Variants in MROH9 observed in about 807,000 individuals in gnomAD.
The protein encoded by MROH9 is maestro heat like repeat family member 9, also known as maestro heat-like repeat-containing protein family member 9.
MROH9 carries 92 observed loss-of-function variants against 98.2 expected under a neutral mutation model. The ratio of observed to expected loss-of-function variants is 0.94; its 90% CI spans 0.79 to 1.11. The LOEUF is 1.11. MROH9 is among the 50% of genes most tolerant of loss of function. The pLI is 0.00. For synonymous variants in MROH9, 397 were observed against 368.9 expected (o/e 1.08, Z -0.87); for missense variants, 1,057 against 1,014.8 (o/e 1.04, Z -0.57).
chr1:170,976,680 T>A (rs555669464), intron 8 of MROH9, among the ~76,000 whole-genome samples: 1 of 152,292 alleles, frequency 6.6e-6, no homozygotes, highest in Middle Eastern at 3.4e-3. Flanking sequence ...CATATTTTCT[T>A]TTTTTATTTT....
intron 8 of MROH9, among the ~76,000 whole-genome samples, chr1:170,975,380 T>G (rs1650642757): frequency 6.6e-6 from 1 of 152,128 alleles, no homozygotes; most frequent in South Asian, 2.1e-4. Flanking sequence ...GAAAAGAAAG[T>G]CATTTCATAA....
chr1:170,997,673 C>T (rs1282985240), intron 14 of MROH9, among the ~76,000 whole-genome samples: 1 of 152,114 alleles, frequency 6.6e-6, no homozygotes, highest in Non-Finnish European at 1.5e-5. Flanking sequence ...TGTCCACCAC[C>T]CAAGTGTGTT....
At chr1:171,018,949 G>A (rs1331698773) in intron 17 of MROH9, among the ~76,000 whole-genome samples, 1 of 152,200 alleles carries the variant, frequency 6.6e-6, no homozygotes, top group Non-Finnish European at 1.5e-5. Context: ...CTTAAACTCA[G>A]CTATGGATCA....
chr1:170,971,668 A>C, intron 7 of MROH9, 80 bp from the exon 8 acceptor site: 1 of 1,470,524 alleles, frequency 6.8e-7, no homozygotes, highest in Non-Finnish European at 9.4e-7. Context: ...AGTCTGATTT[A>C]TAACAGGATC....
intron 17 of MROH9, among the ~76,000 whole-genome samples, chr1:171,017,124 T>C (rs1652351183): frequency 6.6e-6 from 1 of 152,178 alleles, no homozygotes; most frequent in Non-Finnish European, 1.5e-5. Flanking sequence ...GTAATAATAA[T>C]AGTAGTGGCT....
At chr1:170,943,292 T>G (rs968367221) in intron 1 of MROH9, among the ~76,000 whole-genome samples, 4 of 151,880 alleles carry the variant, frequency 2.6e-5, no homozygotes, top group Non-Finnish European at 2.9e-5. Context: ...GTGTTAAAAA[T>G]ACTCCAAAAG....
At chr1:171,016,527 G>T (rs1442927925) in intron 17 of MROH9, among the ~76,000 whole-genome samples, 191 bp downstream of exon 17, 3 of 151,754 alleles carry the variant, frequency 2.0e-5, no homozygotes, top group African/African-American at 4.8e-5. Context: ...ACCTGGGGAA[G>T]AAAAGAAGAC....
intron 8 of MROH9, among the ~76,000 whole-genome samples, chr1:170,973,998 C>T (rs952417032): frequency 1.3e-5 from 2 of 152,002 alleles, no homozygotes; most frequent in Admixed American, 6.6e-5. Context: ...TATATTGAAC[C>T]TCTGGAGGTA....
At chr1:171,004,833 T>TA (rs1316059381) in intron 15 of MROH9, among the ~76,000 whole-genome samples, 1 of 152,002 alleles carries the variant, frequency 6.6e-6, no homozygotes, top group Non-Finnish European at 1.5e-5. Context: ...CATGGGTCAA[T>TA]ATGTCTGTTT....
chr1:171,046,602 TTATATCTTATTGTAC>T (rs570774715), intron 20 of MROH9, among the ~76,000 whole-genome samples: 34 of 152,304 alleles, frequency 2.2e-4, no homozygotes, highest in Non-Finnish European at 4.4e-4. Context: ...TTGCTTCTAT[TTATATCTTATTGTAC>T]TATGTCTTGA....
Position 171,064,085 on chromosome 1 carries a change from T to G in MROH9, c.2345-14T>G, listed in dbSNP as rs1294547970. ...AAGAGATAACTTGAACTAAAGTCTC[T>G]TCTGATATTACAGTTATTGAACGAC... On this transcript the variant is annotated splice_polypyrimidine_tract_variant and intron_variant, in intron 21 of 21. Transcript: ENST00000367759. 4 of 1,526,838 alleles carry G rather than the reference T, an allele frequency of 2.6e-6. No individual in the cohort carries two copies. Among genetic ancestry groups the G allele is most frequent in the Middle Eastern group, 1.7e-4 (1 of 5,854 alleles). 94.6% of individuals were successfully genotyped at this position (1,526,838 alleles called of 1,614,324 possible). A position where few individuals can be genotyped will look rare whatever the true frequency, so the allele number is the denominator to read the frequency against.
At chr1:171,017,324 C>CCT (rs555955725) in intron 17 of MROH9, among the ~76,000 whole-genome samples, 82 of 152,294 alleles carry the variant, frequency 5.4e-4, no homozygotes, top group African/African-American at 1.9e-3. Context: ...GGTGTGGAGG[C>CCT]CTACCTGACA....
chr1:171,037,464 G>T (rs1653139574), intron 20 of MROH9, among the ~76,000 whole-genome samples: 1 of 151,440 alleles, frequency 6.6e-6, no homozygotes, highest in South Asian at 2.1e-4. Context: ...CACAAAGACT[G>T]AAAATAGAAA....
At chr1:170,959,642 T>A in intron 5 of MROH9, 45 bp downstream of exon 5, 2 of 1,569,144 alleles carry the variant, frequency 1.3e-6, no homozygotes, top group Non-Finnish European at 1.7e-6. Context: ...TTATTACACA[T>A]CACAGCAATC....
At chr1:171,005,733 T>C (rs1651933013) in intron 15 of MROH9, among the ~76,000 whole-genome samples, 1 of 152,192 alleles carries the variant, frequency 6.6e-6, no homozygotes. Flanking sequence ...AACATTTTAC[T>C]TCTTCCTTTC....
intron 20 of MROH9, among the ~76,000 whole-genome samples, chr1:171,033,945 T>A (rs1208843224): frequency 6.6e-6 from 1 of 152,148 alleles, no homozygotes; most frequent in African/African-American, 2.4e-5. Context: ...AAATATTTTA[T>A]ACAGAATGCA....
Position 170,961,943 on chromosome 1 carries a change from G to A in MROH9, c.342G>A (p.Val114=). The A allele has an allele frequency of 6.5e-7, 1 of 1,540,126 alleles. No homozygotes were observed. Among genetic ancestry groups the A allele is most frequent in the Non-Finnish European group, 8.8e-7 (1 of 1,138,274 alleles). ...NIYENILTSL[V]SKDLYKLQIL... The stretch of plus-strand genomic sequence containing the variant: ...ATGAGAACATTCTTACGAGCTTGGT[G>A]TCTAAAGACCTCTACAAACTACAGA... The change falls in exon 6 of 22, where the codon GTG becomes GTA. Residue 114 remains valine, a synonymous_variant. Coordinates refer to ENST00000367759, the MANE Select transcript of MROH9 (RefSeq NM_001163629.2).
At chr1:170,995,592 C>T in intron 13 of MROH9, 61 bp downstream of exon 13, 1 of 1,579,880 alleles carries the variant, frequency 6.3e-7, no homozygotes, top group South Asian at 1.1e-5. Flanking sequence ...GTCAATACTT[C>T]TACCCTCTTG....
intron 20 of MROH9, among the ~76,000 whole-genome samples, chr1:171,035,721 T>C (rs1653079431): frequency 3.3e-5 from 5 of 152,164 alleles, no homozygotes; most frequent in Admixed American, 2.6e-4. Flanking sequence ...AACCATAAGA[T>C]ACCATTATAC....
Sources: gnomAD v4.1 joint callset for allele counts (sites outside exome capture counted in the v4.1 genomes callset) on GRCh38, gnomAD v4.1.1 for gene constraint, MANE v1.5 for transcripts, NCBI Gene and HGNC (gene_info 2026-07-23, HGNC 2026-07-21) for gene names.